The following TSPAN5 variants were observed in gnomAD, a reference collection of about 807,000 sequenced individuals.
The protein encoded by TSPAN5 is tetraspanin 5, also known as tetraspanin-5.
TSPAN5 carries 10 observed loss-of-function variants against 37.1 expected under a neutral mutation model. The observed-to-expected ratio is 0.27, with a 90% CI of 0.17 to 0.46. The LOEUF is 0.46. Among genes scored for constraint, TSPAN5 ranks in the 20% least tolerant of loss-of-function variants. The probability of loss-of-function intolerance (pLI) is 1.00; values close to 1 mark genes in which losing one functional copy is unlikely to be tolerated. For synonymous variants in TSPAN5, 110 were observed against 118.9 expected, an observed-to-expected ratio of 0.93 and a Z score of 0.48; for missense variants, 195 against 326.6, an observed-to-expected ratio of 0.60 and a Z score of 3.11.
intron 2 of TSPAN5, among the ~76,000 whole-genome samples, chr4:98,492,135 A>G (rs1202830302): frequency 6.6e-6 from 1 of 152,124 alleles, no homozygotes; most frequent in African/African-American, 2.4e-5. Flanking sequence ...AAGATCTCAT[A>G]CAATCCTGCT....
At chr4:98,656,273 T>A (rs1757291680) in intron 1 of TSPAN5, among the ~76,000 whole-genome samples, 1 of 152,230 alleles carries the variant, frequency 6.6e-6, no homozygotes, top group South Asian at 2.1e-4. Flanking sequence ...CAGACCCAAA[T>A]CCTTTTATTT....
At chr4:98,601,610 G>A (rs915827253) in intron 1 of TSPAN5, among the ~76,000 whole-genome samples, 1 of 152,188 alleles carries the variant, frequency 6.6e-6, no homozygotes, top group African/African-American at 2.4e-5. Context: ...TTAGGCTCTT[G>A]TTTAAGGAGT....
intron 1 of TSPAN5, among the ~76,000 whole-genome samples, chr4:98,602,698 C>A (rs922536611): frequency 1.3e-5 from 2 of 152,122 alleles, no homozygotes; most frequent in Admixed American, 1.3e-4. Context: ...TTTTGCCCTG[C>A]GACAGAATTG....
At chr4:98,549,549 T>A (rs769831336) in intron 1 of TSPAN5, among the ~76,000 whole-genome samples, 40 of 151,816 alleles carry the variant, frequency 2.6e-4, no homozygotes, top group Non-Finnish European at 5.3e-4. Flanking sequence ...TCTGCCCACC[T>A]CAGTCTCCCA....
chr4:98,565,827 C>T (rs1167831638), intron 1 of TSPAN5, among the ~76,000 whole-genome samples: 5 of 152,154 alleles, frequency 3.3e-5, no homozygotes, highest in Non-Finnish European at 7.3e-5. Flanking sequence ...CCTGCATGCC[C>T]CATTCAGACA....
chr4:98,543,872 C>T (rs1384209912), intron 1 of TSPAN5, among the ~76,000 whole-genome samples: 1 of 151,796 alleles, frequency 6.6e-6, no homozygotes, highest in Admixed American at 6.6e-5. Flanking sequence ...TATTAGATCA[C>T]AATATTGGGC....
intron 1 of TSPAN5, among the ~76,000 whole-genome samples, chr4:98,541,571 A>C (rs963156377): frequency 2.7e-5 from 4 of 150,602 alleles, no homozygotes; most frequent in Non-Finnish European, 5.9e-5. Context: ...GCTACTCAGG[A>C]GGCTGAGGCA....
chr4:98,604,156 A>G (rs1201346466), intron 1 of TSPAN5, among the ~76,000 whole-genome samples: 2 of 152,110 alleles, frequency 1.3e-5, no homozygotes, highest in African/African-American at 4.8e-5. Flanking sequence ...GTGATCTCGT[A>G]GTACTGCAGC....
intron 1 of TSPAN5, among the ~76,000 whole-genome samples, chr4:98,542,719 T>TA (rs11326064): frequency 0.045 from 4,589 of 101,726 alleles, 117 homozygotes; most frequent in Non-Finnish European, 0.057. Context: ...CTCATCTCTT[T>TA]AAAAAAAAAA....
intron 1 of TSPAN5, among the ~76,000 whole-genome samples, chr4:98,522,168 G>A (rs1002624848): frequency 6.6e-6 from 1 of 152,186 alleles, no homozygotes; most frequent in Non-Finnish European, 1.5e-5. Flanking sequence ...CGTGGCCTAT[G>A]TGCCCAACCC....
chr4:98,631,246 G>C (rs887852321), intron 1 of TSPAN5, among the ~76,000 whole-genome samples: 3 of 152,040 alleles, frequency 2.0e-5, no homozygotes, highest in African/African-American at 7.3e-5. Flanking sequence ...TGAGACCCAC[G>C]GCAAGCAAGG....
intron 1 of TSPAN5, among the ~76,000 whole-genome samples, chr4:98,534,592 ATCTG>A (rs1364073586): frequency 2.0e-5 from 3 of 152,156 alleles, no homozygotes; most frequent in African/African-American, 7.2e-5. Flanking sequence ...TGTCTCATTG[ATCTG>A]TCTAATATTG....
Position 98,472,593 on chromosome 4 carries a change from A to G in TSPAN5, c.742-6T>C. ...GCCAGGCATATCCCAAATATCTGAG[A>G]AAGGAAGAAAATGTGAGTGAAACAG... On this transcript the variant is annotated splice_polypyrimidine_tract_variant and splice_region_variant and intron_variant, in intron 7 of 7. Transcript: ENST00000305798. The G allele has an allele frequency of 6.2e-7, 1 of 1,612,752 alleles. No homozygotes were observed. The highest frequency in any genetic ancestry group is 2.2e-5 in the East Asian group (1 of 44,852).
chr4:98,653,805 T>C (rs1284931869), intron 1 of TSPAN5, among the ~76,000 whole-genome samples: 1 of 152,188 alleles, frequency 6.6e-6, no homozygotes, highest in Non-Finnish European at 1.5e-5. Flanking sequence ...TAAGGCTCAG[T>C]GCCTTAATAC....
intron 1 of TSPAN5, among the ~76,000 whole-genome samples, chr4:98,579,713 C>G (rs1014570172): frequency 6.6e-6 from 1 of 152,222 alleles, no homozygotes; most frequent in Non-Finnish European, 1.5e-5. Flanking sequence ...TCAAGAGTTT[C>G]TCTAATCCCA....
chr4:98,555,030 CAGA>C (rs1754708574), intron 1 of TSPAN5, among the ~76,000 whole-genome samples: 1 of 152,106 alleles, frequency 6.6e-6, no homozygotes, highest in South Asian at 2.1e-4. Flanking sequence ...CTGAGAACAC[CAGA>C]AGTTTTCCTA....
chr4:98,506,070 T>C, intron 2 of TSPAN5, among the ~76,000 whole-genome samples: 1 of 152,274 alleles, frequency 6.6e-6, no homozygotes, highest in Admixed American at 6.5e-5. Context: ...AAAGAGAAAA[T>C]TAAAAAACTT....
intron 3 of TSPAN5, chr4:98,484,751 C>G: frequency 2.8e-6 from 1 of 353,486 alleles, no homozygotes; most frequent in Non-Finnish European, 5.5e-6. Flanking sequence ...CACTTGAGGT[C>G]CGGAGTTCAA....
At chr4:98,562,157 A>G (rs1277888013) in intron 1 of TSPAN5, among the ~76,000 whole-genome samples, 1 of 152,216 alleles carries the variant, frequency 6.6e-6, no homozygotes, top group Non-Finnish European at 1.5e-5. Context: ...AAGGAGGCAT[A>G]AACTATGGCA....
Sources: allele counts gnomAD v4.1 joint callset (sites outside exome capture counted in the v4.1 genomes callset), GRCh38; gene constraint gnomAD v4.1.1; transcripts MANE v1.5; gene names NCBI Gene and HGNC (gene_info 2026-07-23, HGNC 2026-07-21).